The following NBR1 variants were observed in gnomAD, a reference collection of about 807,000 sequenced individuals.
The protein encoded by NBR1 is next to BRCA1 gene 1 protein.
In NBR1, 59 loss-of-function variants were observed where a neutral mutation model predicts 115.5. The observed-to-expected ratio is 0.51, with a 90% CI of 0.41 to 0.63. The LOEUF (loss-of-function observed/expected upper bound fraction) is 0.63. NBR1 is among the 30% of genes least tolerant of loss of function. NBR1 has a pLI of 0.00. For missense variants in NBR1, 1,043 were observed against 1,150.5 expected, an observed-to-expected ratio of 0.91 and a Z score of 1.35; for synonymous variants, 373 against 414.7, an observed-to-expected ratio of 0.90 and a Z score of 1.22.
intron 5 of NBR1, among the ~76,000 whole-genome samples, chr17:43,182,344 A>C (rs1183467353): frequency 4.0e-5 from 6 of 150,450 alleles, no homozygotes; most frequent in South Asian, 2.1e-4. Context: ...CAGTTTCCCA[A>C]GTAGCTGGGA....
intron 16 of NBR1, among the ~76,000 whole-genome samples, chr17:43,199,313 A>G (rs930529819): frequency 4.6e-5 from 7 of 151,548 alleles, no homozygotes; most frequent in African/African-American, 1.7e-4. Context: ...GAGCTCAAGC[A>G]GTCTGCCTGC....
intron 2 of NBR1, chr17:43,176,443 CTGTTTT>C (rs2056519980): frequency 6.6e-6 from 1 of 152,268 alleles, no homozygotes; most frequent in East Asian, 1.9e-4. Context: ...TTGTACTCTT[CTGTTTT>C]TGTTCAGTTT....
chr17:43,187,210 A>C (rs1176984661), intron 6 of NBR1, among the ~76,000 whole-genome samples: 1 of 151,550 alleles, frequency 6.6e-6, no homozygotes, highest in Non-Finnish European at 1.5e-5. Context: ...ACGGAGTCTC[A>C]CTCTGTTGCC....
At chr17:43,204,707 C>T (rs1395730369) in intron 20 of NBR1, among the ~76,000 whole-genome samples, 10 of 150,026 alleles carry the variant, frequency 6.7e-5, no homozygotes, top group African/African-American at 1.2e-4. Context: ...CCCAGCTACT[C>T]GGGAGGCTGA....
chr17:43,178,127 CTG>C, intron 3 of NBR1, 129 bp downstream of exon 3: 1 of 1,154,690 alleles, frequency 8.7e-7, no homozygotes, highest in South Asian at 1.4e-5. Context: ...TATTTGATAA[CTG>C]AATATTCTAA....
chr17:43,179,320 G>C, intron 3 of NBR1, 74 bp from the exon 4 acceptor site: 1 of 1,393,190 alleles, frequency 7.2e-7, no homozygotes, highest in Non-Finnish European at 1.0e-6. Flanking sequence ...TGTCCTATGG[G>C]GCTGGTCCTA....
chr17:43,172,668 C>T (rs1447076270), intron 1 of NBR1, among the ~76,000 whole-genome samples: 1 of 151,680 alleles, frequency 6.6e-6, no homozygotes, highest in African/African-American at 2.4e-5. Flanking sequence ...GAACTTGGTT[C>T]TTGGTAGAAA....
chr17:43,192,432 G>C (rs1303237247), intron 10 of NBR1, among the ~76,000 whole-genome samples: 1 of 151,796 alleles, frequency 6.6e-6, no homozygotes, highest in East Asian at 1.9e-4. Flanking sequence ...GCAGTGGCGC[G>C]ATCTCGGCTC....
chr17:43,176,472 GTTTT>G (rs2056520485), intron 2 of NBR1: 1 of 152,162 alleles, frequency 6.6e-6, no homozygotes, highest in African/African-American at 2.4e-5. Flanking sequence ...AGTGGTGAAT[GTTTT>G]ACTTCCTGTG....
intron 5 of NBR1, among the ~76,000 whole-genome samples, chr17:43,184,873 G>A (rs1279384794): frequency 6.6e-6 from 1 of 151,284 alleles, no homozygotes; most frequent in Non-Finnish European, 1.5e-5. Context: ...GGCAGATCAC[G>A]AGGTCAAGAG....
chr17:43,191,342 CT>C, intron 9 of NBR1, 29 bp from the exon 10 acceptor site: 1 of 1,526,054 alleles, frequency 6.6e-7, no homozygotes, highest in Non-Finnish European at 9.0e-7. Context: ...TTGTGACTTT[CT>C]TTTAAGACTT....
rs764315641 is a variant in NBR1 at position 43,190,762 on chromosome 17, T to C, written c.849T>C (p.Ala283=). The C allele has an allele frequency of 3.7e-6, 6 of 1,603,858 alleles. No individual in the cohort carries two copies. Among genetic ancestry groups the C allele is most frequent in the Non-Finnish European group, 5.1e-6 (6 of 1,173,566 alleles). The change falls in exon 9 of 21, where the codon GCT becomes GCC. Residue 283 remains alanine, a synonymous_variant. Coordinates refer to ENST00000590996, the MANE Select transcript of NBR1 (RefSeq NM_005899.5). Reference sequence around the variant, plus strand: ...ACTCTACTCCTCGTCTTCCTGCTGCTCTGGAACAAGTCAGGTAAAACCCTC... The same window carrying C: ...ACTCTACTCCTCGTCTTCCTGCTGCCCTGGAACAAGTCAGGTAAAACCCTC... ...SKYSTPRLPA[A]LEQVRLQKQV... is the part of the protein sequence containing the mutation.
intron 16 of NBR1, among the ~76,000 whole-genome samples, chr17:43,199,919 T>C (rs2154582336): frequency 6.6e-6 from 1 of 152,362 alleles, no homozygotes; most frequent in African/African-American, 2.4e-5. Flanking sequence ...TTATGATTCA[T>C]AGAGCTTCTT....
rs1249144395 is a variant in NBR1, at chr17:43,191,372, G to C, written c.864G>C (p.Arg288Ser). ...AAGACTTGCTTTTATTATCTCACAG[G>C]CTCCAGAAACAGGTTGATAAGAACT... is the stretch of plus-strand genomic sequence containing the variant. ...PRLPAALEQV[R>S]LQKQVDKNFL... The change falls in exon 10 of 21, where the codon AGG becomes AGC. Residue 288 changes from arginine to serine, a missense_variant and splice_region_variant. Arg to Ser is a moderately radical substitution (Grantham distance 110). Coordinates refer to ENST00000590996, the MANE Select transcript of NBR1 (RefSeq NM_005899.5). 22 of 1,607,564 alleles carry C rather than the reference G, an allele frequency of 1.4e-5. No individual in the cohort carries two copies. The highest frequency in any genetic ancestry group is 3.3e-5 in the South Asian group (3 of 90,258).
chr17:43,203,714 G>A lies in NBR1; in HGVS notation c.2655G>A (p.Leu885=), dbSNP rs747398964. 126 of 1,610,590 alleles carry A rather than the reference G, an allele frequency of 7.8e-5. No homozygotes were observed. Among genetic ancestry groups the A allele is most frequent in the Non-Finnish European group, 1.0e-4 (123 of 1,178,342 alleles). Residue 885 remains leucine (L), a synonymous_variant, in exon 20 of 21, where the codon CTG becomes CTA. Coordinates refer to ENST00000590996, the MANE Select transcript of NBR1 (RefSeq NM_005899.5). ...HHHGSSIAGG[L]VKGALSVAAS... ...ATGGGAGCAGCATTGCTGGAGGACT[G>A]GTGAAGGGGGCTTTGTCTGTTGCTG...
At chr17:43,179,460 T>G (rs1368670095) in intron 4 of NBR1, 48 bp downstream of exon 4, 1 of 1,543,658 alleles carries the variant, frequency 6.5e-7, no homozygotes, top group Non-Finnish European at 9.0e-7. Context: ...AACCTTAATC[T>G]GCTCATTGAG....
rs764800232 is a variant in NBR1 at position 43,189,613 on chromosome 17, C to T, written c.506C>T (p.Thr169Met). The T allele has an allele frequency of 2.9e-5, 47 of 1,613,760 alleles. No individual in the cohort carries two copies. The highest frequency in any genetic ancestry group is 8.3e-5 in the Admixed American group (5 of 59,990). ...TTCAGAGAACAAGTGGTTAACGAAA[C>T]GGTTGAGAAGCTTGAACAGAAATTA... ...ETFREQVVNE[T>M]VEKLEQKLHE... Residue 169 changes from threonine to methionine, a missense_variant, in exon 8 of 21, where the codon ACG (threonine) becomes ATG (methionine). Coordinates refer to ENST00000590996, the MANE Select transcript of NBR1 (RefSeq NM_005899.5).
chr17:43,187,946 A>G (rs1487711166), intron 6 of NBR1, among the ~76,000 whole-genome samples: 2 of 127,122 alleles, frequency 1.6e-5, no homozygotes, highest in East Asian at 2.3e-4. Context: ...GCTGGAGTGC[A>G]GTGGTGCAAT....
Position 43,210,118 on chromosome 17 carries a change from T to C in NBR1, c.*44T>C. The C allele has an allele frequency of 6.4e-7, 1 of 1,562,694 alleles. No homozygotes were observed. Among genetic ancestry groups the C allele is most frequent in the Non-Finnish European group, 8.7e-7 (1 of 1,149,044 alleles). ...ATAACTGCCTGCTGCTCAGAGATGA[T>C]CTTTATTCTGTCATTGGGGTATGGG... On this transcript the variant is annotated 3_prime_UTR_variant, in exon 21 of 21. Coordinates refer to ENST00000590996, the MANE Select transcript of NBR1 (RefSeq NM_005899.5).
Sources: gnomAD v4.1 joint callset for allele counts (sites outside exome capture counted in the v4.1 genomes callset) on GRCh38, gnomAD v4.1.1 for gene constraint, MANE v1.5 for transcripts, NCBI Gene and HGNC (gene_info 2026-07-23, HGNC 2026-07-21) for gene names.